JAKMIP2: variants seen among roughly 807,000 people sequenced by gnomAD.
JAKMIP2 encodes the protein janus kinase and microtubule-interacting protein 2.
Under a neutral mutation model 115.0 loss-of-function variants are expected in JAKMIP2, and 25 were observed. That is an observed-to-expected ratio of 0.22 (90% CI 0.16 to 0.30). The LOEUF is 0.30. Among genes scored for constraint, JAKMIP2 ranks in the 10% least tolerant of loss-of-function variants. The pLI is 1.00. For synonymous variants in JAKMIP2, 334 were observed against 343.6 expected, an observed-to-expected ratio of 0.97 and a Z score of 0.31; for missense variants, 642 against 957.6, an observed-to-expected ratio of 0.67 and a Z score of 4.35.
chr5:147,637,206 G>A (rs1253486594), intron 10 of JAKMIP2, among the ~76,000 whole-genome samples, 158 bp from the exon 11 acceptor site: 1 of 152,090 alleles, frequency 6.6e-6, no homozygotes, highest in Non-Finnish European at 1.5e-5. Flanking sequence ...AAAACTCCCT[G>A]TAGCATTCTT....
chr5:147,766,090 G>A (rs904652460), intron 1 of JAKMIP2, among the ~76,000 whole-genome samples: 1 of 152,078 alleles, frequency 6.6e-6, no homozygotes, highest in East Asian at 1.9e-4. Flanking sequence ...CCAACCTTGG[G>A]TTATGATCTA....
chr5:147,592,842 G>A (rs1445356497), intron 21 of JAKMIP2, among the ~76,000 whole-genome samples: 1 of 152,108 alleles, frequency 6.6e-6, no homozygotes, highest in African/African-American at 2.4e-5. Flanking sequence ...GATACTTCTA[G>A]TCTACCAACC....
chr5:147,654,435 T>A (rs1758573344), intron 3 of JAKMIP2, among the ~76,000 whole-genome samples: 1 of 152,134 alleles, frequency 6.6e-6, no homozygotes, highest in Admixed American at 6.5e-5. Flanking sequence ...TAATGTCCCT[T>A]GTAAGCTGTA....
At chr5:147,663,306 C>T (rs966290984) in intron 2 of JAKMIP2, among the ~76,000 whole-genome samples, 2 of 152,084 alleles carry the variant, frequency 1.3e-5, no homozygotes, top group African/African-American at 4.8e-5. Flanking sequence ...GAAAGGCAGA[C>T]CCACCATCAG....
intron 1 of JAKMIP2, among the ~76,000 whole-genome samples, chr5:147,763,611 T>C (rs1276913706): frequency 6.6e-6 from 1 of 152,086 alleles, no homozygotes; most frequent in East Asian, 1.9e-4. Context: ...ATTGGGTAAA[T>C]ATTTTAATTT....
chr5:147,651,222 C>T (rs775230704), intron 3 of JAKMIP2, among the ~76,000 whole-genome samples: 12 of 152,120 alleles, frequency 7.9e-5, no homozygotes, highest in Non-Finnish European at 1.5e-4. Context: ...AAATATCTGG[C>T]AATATTAACC....
chr5:147,592,272 T>C (rs1755136480), intron 21 of JAKMIP2, among the ~76,000 whole-genome samples: 1 of 152,234 alleles, frequency 6.6e-6, no homozygotes, highest in Non-Finnish European at 1.5e-5. Flanking sequence ...CAGACCTGTC[T>C]ATTCCCTTCA....
intron 1 of JAKMIP2, among the ~76,000 whole-genome samples, chr5:147,711,847 T>G (rs903381203): frequency 6.6e-6 from 1 of 152,194 alleles, no homozygotes; most frequent in South Asian, 2.1e-4. Context: ...TTTCTATTTT[T>G]GGTAGAGACA....
Position 147,644,889 on chromosome 5 carries a change from T to C in JAKMIP2, c.1044A>G (p.Glu348=), listed in dbSNP as rs755552245. 4.3e-6 allele frequency: 7 copies of C among 1,613,712 alleles called. No individual in the cohort carries two copies. The South Asian group carries it at 7.7e-5, about 18-fold the overall frequency. Residue 348 remains glutamate (E), a synonymous_variant, in exon 6 of 22, where the codon GAA becomes GAG. Coordinates refer to ENST00000616793, the MANE Select transcript of JAKMIP2 (RefSeq NM_001270941.2). ...CCTTGGTAACGGCTTTTAGTTTTTCTTCCATGCGCTGCAAGGACACCATCA... is the reference window on the plus strand; with the variant it reads ...CCTTGGTAACGGCTTTTAGTTTTTCCTCCATGCGCTGCAAGGACACCATCA... ...DELMVSLQRM[E]EKLKAVTKEN...
intron 1 of JAKMIP2, among the ~76,000 whole-genome samples, chr5:147,679,842 C>G (rs373314922): frequency 1.3e-4 from 20 of 151,994 alleles, no homozygotes; most frequent in African/African-American, 4.3e-4. Context: ...CAGGATTCAG[C>G]TCTGGTTGCC....
intron 5 of JAKMIP2, among the ~76,000 whole-genome samples, chr5:147,645,341 T>C (rs1758084072): frequency 6.6e-6 from 1 of 152,098 alleles, no homozygotes; most frequent in Admixed American, 6.6e-5. Flanking sequence ...CTGCAATCCC[T>C]GCACCTGGAA....
intron 1 of JAKMIP2, among the ~76,000 whole-genome samples, chr5:147,760,806 A>T (rs544786043): frequency 5.3e-5 from 8 of 152,230 alleles, no homozygotes; most frequent in Admixed American, 4.6e-4. Context: ...TGAGTGATAC[A>T]GTTGAGAGGA....
At chr5:147,680,347 T>C (rs1293238711) in intron 1 of JAKMIP2, among the ~76,000 whole-genome samples, 1 of 152,174 alleles carries the variant, frequency 6.6e-6, no homozygotes, top group Non-Finnish European at 1.5e-5. Context: ...CGACCTACAT[T>C]GACAGGGTCA....
At chr5:147,729,643 G>A (rs1239711470) in intron 1 of JAKMIP2, among the ~76,000 whole-genome samples, 9 of 151,862 alleles carry the variant, frequency 5.9e-5, no homozygotes, top group South Asian at 2.1e-4. Context: ...GCGTGGTGGC[G>A]GGCGCCTGTA....
chr5:147,735,991 T>C (rs1753907217), intron 1 of JAKMIP2, among the ~76,000 whole-genome samples: 1 of 152,146 alleles, frequency 6.6e-6, no homozygotes, highest in South Asian at 2.1e-4. Flanking sequence ...GAGCAAGTCA[T>C]TCTCCTCTCT....
At chr5:147,632,167 A>C (rs1039940494) in intron 13 of JAKMIP2, among the ~76,000 whole-genome samples, 6 of 152,230 alleles carry the variant, frequency 3.9e-5, no homozygotes, top group Non-Finnish European at 5.9e-5. Flanking sequence ...GGTATTTTCT[A>C]AGACAAGTTA....
At chr5:147,667,173 C>T (rs1013494429) in intron 2 of JAKMIP2, among the ~76,000 whole-genome samples, 11 of 151,752 alleles carry the variant, frequency 7.2e-5, no homozygotes, top group African/African-American at 1.7e-4. Context: ...AAGAGTGGTG[C>T]GGGGTGGGGC....
At chr5:147,742,673 C>A (rs987573008) in intron 1 of JAKMIP2, among the ~76,000 whole-genome samples, 1 of 152,102 alleles carries the variant, frequency 6.6e-6, no homozygotes, top group African/African-American at 2.4e-5. Context: ...TGTTAGTGCT[C>A]AATAAATGCT....
intron 1 of JAKMIP2, among the ~76,000 whole-genome samples, chr5:147,692,922 G>C (rs555974182): frequency 3.3e-5 from 5 of 152,214 alleles, no homozygotes; most frequent in African/African-American, 1.2e-4. Context: ...TGAAAAATGA[G>C]AACAAATCAT....
Sources: gnomAD v4.1 joint callset for allele counts (sites outside exome capture counted in the v4.1 genomes callset) on GRCh38, gnomAD v4.1.1 for gene constraint, MANE v1.5 for transcripts, NCBI Gene and HGNC (gene_info 2026-07-23, HGNC 2026-07-21) for gene names.